Variants in EPHA2 observed in about 807,000 individuals in gnomAD.
EPHA2 encodes EPH receptor A2.
Under a neutral mutation model 104.9 loss-of-function variants are expected in EPHA2, and 54 were observed. The observed-to-expected ratio is 0.51, with a 90% CI of 0.41 to 0.65. The LOEUF (loss-of-function observed/expected upper bound fraction) is 0.65, where lower values mean the gene tolerates loss of function less well. Among genes scored for constraint, EPHA2 ranks in the 30% least tolerant of loss-of-function variants. EPHA2 has a pLI of 0.00. For synonymous variants in EPHA2, 560 were observed against 559.1 expected, an observed-to-expected ratio of 1.00 and a Z score of -0.02; for missense variants, 1,117 against 1,369.5, an observed-to-expected ratio of 0.82 and a Z score of 2.91.
Position 16,148,981 on chromosome 1 carries a change from A to G in EPHA2, c.220T>C (p.Ser74Pro). The G allele has an allele frequency of 6.2e-7, 1 of 1,614,130 alleles. No individual in the cohort carries two copies. Among genetic ancestry groups the G allele is most frequent in the South Asian group, 1.1e-5 (1 of 91,090 alleles). Residue 74 changes from serine to proline, a missense_variant, in exon 3 of 17, where the codon TCT (serine) becomes CCT (proline). Ser to Pro is a moderately conservative substitution (Grantham distance 74). Transcript: ENST00000358432. This position sits in a 1 kb window ranked among gnomAD's most constrained non-coding sequence, Gnocchi z 4.9. ...IYMYSVCNVM[S>P]GDQDNWLRTN... is the part of the protein sequence containing the mutation. ...CGGAGCCAGTTGTCCTGGTCGCCAG[A>G]CATCACGTTGCACACGGAGTACATG...
At chr1:16,143,835 A>G (rs1190191848) in intron 3 of EPHA2, among the ~76,000 whole-genome samples, 1 of 152,168 alleles carries the variant, frequency 6.6e-6, no homozygotes, top group Admixed American at 6.5e-5. Context: ...ATGGCGACCT[A>G]TGGGTTACTG....
At chr1:16,153,120 T>C (rs1037863799) in intron 1 of EPHA2, 9 of 911,306 alleles carry the variant, frequency 9.9e-6, no homozygotes, top group Non-Finnish European at 1.0e-5. Flanking sequence ...TACCTTCCCA[T>C]TTCTGGGGGG....
chr1:16,144,641 G>T (rs2024892838), intron 3 of EPHA2, among the ~76,000 whole-genome samples: 1 of 152,182 alleles, frequency 6.6e-6, no homozygotes, highest in African/African-American at 2.4e-5. Context: ...ACCACAGGAG[G>T]GAAGCTCGGA....
At chr1:16,147,875 CTT>C (rs111955796) in intron 3 of EPHA2, among the ~76,000 whole-genome samples, 2 of 144,040 alleles carry the variant, frequency 1.4e-5, no homozygotes, top group African/African-American at 5.1e-5. Context: ...TTCATTCATT[CTT>C]TTTTTTTTTT....
chr1:16,144,650 G>C (rs2124249332), intron 3 of EPHA2, among the ~76,000 whole-genome samples: 1 of 152,318 alleles, frequency 6.6e-6, no homozygotes, highest in South Asian at 2.1e-4. Context: ...GGGAAGCTCG[G>C]ATCACCAGGT....
intron 15 of EPHA2, among the ~76,000 whole-genome samples, chr1:16,129,931 TCA>T: frequency 6.6e-6 from 1 of 152,294 alleles, no homozygotes; most frequent in Admixed American, 6.5e-5. Flanking sequence ...GCCCTGTGTC[TCA>T]GTTTCTTCTT....
At chr1:16,153,011 C>T in intron 1 of EPHA2, 1 of 601,410 alleles carries the variant, frequency 1.7e-6, no homozygotes, top group Non-Finnish European at 2.1e-6. Context: ...TCCCGCTTCT[C>T]TGGAAAGGGT....
chr1:16,129,609 A>C lies in EPHA2; in HGVS notation c.2670-20T>G. 1 of 1,602,378 alleles carries C rather than the reference A, an allele frequency of 6.2e-7. No individual in the cohort carries two copies. Among genetic ancestry groups the C allele is most frequent in the Non-Finnish European group, 8.5e-7 (1 of 1,176,702 alleles). On this transcript the variant is annotated intron_variant, in intron 15 of 16. Coordinates refer to ENST00000358432, the MANE Select transcript of EPHA2 (RefSeq NM_004431.5). The stretch of plus-strand genomic sequence containing the variant: ...GACACGCTGCAACAGGAAGCACTGC[A>C]GGTGAGGGGCTGCAGCACCCAGTCC...
chr1:16,131,520 C>G lies in EPHA2; in HGVS notation c.2475+201G>C, dbSNP rs1459914832. Reference sequence around the variant, plus strand: ...GCTTGAACCTGGGAGGTGGAGGTTGCAGTGAACTGAGATCATGCCAGTGAA... The same window carrying G: ...GCTTGAACCTGGGAGGTGGAGGTTGGAGTGAACTGAGATCATGCCAGTGAA... On this transcript the variant is annotated intron_variant, in intron 14 of 16. Coordinates refer to ENST00000358432, the MANE Select transcript of EPHA2 (RefSeq NM_004431.5). This position sits in a 1 kb window ranked among gnomAD's most constrained non-coding sequence, Gnocchi z 5.2. Among the ~76,000 whole-genome samples the G allele has an allele frequency of 6.6e-6, 1 of 151,662 alleles. No individual in the cohort carries two copies. Among genetic ancestry groups the G allele is most frequent in the African/African-American group, 2.4e-5 (1 of 41,170 alleles).
At chr1:16,155,791 G>A in intron 1 of EPHA2, 57 bp downstream of exon 1, 2 of 1,282,306 alleles carry the variant, frequency 1.6e-6, no homozygotes, top group Non-Finnish European at 2.0e-6. Flanking sequence ...AGGAGCGCCG[G>A]GCTCTAGGGG....
intron 5 of EPHA2, among the ~76,000 whole-genome samples, chr1:16,136,797 C>CTTT (rs796639435): frequency 7.6e-6 from 1 of 131,424 alleles, no homozygotes; most frequent in Non-Finnish European, 1.7e-5. Flanking sequence ...TGAATGCTTT[C>CTTT]TTTTTTTTTT....
chr1:16,145,505 C>T (rs2024916695), intron 3 of EPHA2, among the ~76,000 whole-genome samples: 1 of 152,150 alleles, frequency 6.6e-6, no homozygotes, highest in African/African-American at 2.4e-5. Context: ...TCAGGGTGCC[C>T]CGCCTCGCTC....
In EPHA2 at chr1:16,148,857, C is replaced by T. The variant is rs2124263629; in HGVS notation, c.344G>A (p.Cys115Tyr). 6.2e-7 allele frequency: 1 copy of T among 1,614,168 alleles called. No individual in the cohort carries two copies. Among genetic ancestry groups the T allele is most frequent in the Non-Finnish European group, 8.5e-7 (1 of 1,180,048 alleles). The change falls in exon 3 of 17, where the codon TGC becomes TAC. Residue 115 changes from cysteine to tyrosine, a missense_variant. Physicochemically the swap from Cys to Tyr is radical, Grantham distance 194. Transcript: ENST00000358432. The surrounding 1 kb of genome is among the most constrained non-coding windows in gnomAD (Gnocchi z 4.9). ...ATAGTAGAGGTTGAAAGTCTCCTTG[C>T]AGGAGCTGGCGCCACCAGGGAAGCT... ...CNSFPGGASS[C>Y]KETFNLYYAE...
rs185919555 is a variant in EPHA2, at chr1:16,133,124, A to C, written c.2053+56T>G. The C allele has an allele frequency of 2.6e-5, 41 of 1,605,176 alleles. 1 individual carries two copies. The East Asian group carries it at 8.5e-4, about 33-fold the overall frequency. On this transcript the variant is annotated intron_variant, in intron 11 of 16. Transcript: ENST00000358432. ...AGGGGAGGTGGGCACAGTCACAGAC[A>C]GAGCCCCTGCTAAGTGGCCCCTCTC...
chr1:16,144,739 G>T (rs2024894648), intron 3 of EPHA2, among the ~76,000 whole-genome samples: 1 of 152,214 alleles, frequency 6.6e-6, no homozygotes, highest in South Asian at 2.1e-4. Context: ...ACCTGCTAAG[G>T]TCATACAGCC....
chr1:16,140,682 G>A (rs182846031), intron 3 of EPHA2, among the ~76,000 whole-genome samples: 1 of 151,888 alleles, frequency 6.6e-6, no homozygotes, highest in Admixed American at 6.6e-5. Flanking sequence ...GAAGTGGTGG[G>A]ATCTCAGCTC....
In EPHA2 at chr1:16,125,262, G is replaced by C; in HGVS notation, c.2884C>G (p.Leu962Val). 6.2e-7 allele frequency: 1 copy of C among 1,614,026 alleles called. No homozygotes were observed. The highest frequency in any genetic ancestry group is 8.5e-7 in the Non-Finnish European group (1 of 1,180,008). The change falls in exon 17 of 17, where the codon CTG (leucine) becomes GTG (valine). Residue 962 changes from leucine (L) to valine (V), a missense_variant. Coordinates refer to ENST00000358432, the MANE Select transcript of EPHA2 (RefSeq NM_004431.5). The surrounding 1 kb of genome is among the most constrained non-coding windows in gnomAD (Gnocchi z 4.9). ...TTCACCTGGTCCTTGAGTCCCAGCAGGCTGTAGGCGATGCGCTTCTGGTGG... is the reference window on the plus strand; with the variant it reads ...TTCACCTGGTCCTTGAGTCCCAGCACGCTGTAGGCGATGCGCTTCTGGTGG... Reference protein sequence around the residue: ...PGHQKRIAYSLLGLKDQVNTV... With the variant: ...PGHQKRIAYSVLGLKDQVNTV...
At position 16,150,237 on chromosome 1, in the gene EPHA2, G is replaced by A. The variant is rs1314523682; in HGVS notation, c.153+659C>T. ...CAGGGTCCCAGGACAAACTCAGCAA[G>A]GGCCCATTGTATAGAGAGGGAAACT... On this transcript the variant is annotated intron_variant, in intron 2 of 16. Coordinates refer to ENST00000358432, the MANE Select transcript of EPHA2 (RefSeq NM_004431.5). This position sits in a 1 kb window ranked among gnomAD's most constrained non-coding sequence, Gnocchi z 4.8. Among the ~76,000 whole-genome samples the A allele has an allele frequency of 6.6e-6, 1 of 152,040 alleles. No homozygotes were observed. The highest frequency in any genetic ancestry group is 1.5e-5 in the Non-Finnish European group (1 of 67,988).
Position 16,128,423 on chromosome 1 carries a change from GC to G in EPHA2, c.2825+1010del, listed in dbSNP as rs1359530150. On this transcript the variant is annotated intron_variant, in intron 16 of 16. Transcript: ENST00000358432. This position sits in a 1 kb window ranked among gnomAD's most constrained non-coding sequence, Gnocchi z 4.7. Reference sequence around the variant, plus strand: ...GCCAGCAGGTTGGGAGCCCAGCTGAGCAATTTCCAAAGGCCCTAGAGAATGT... The same window carrying G: ...GCCAGCAGGTTGGGAGCCCAGCTGAGAATTTCCAAAGGCCCTAGAGAATGT... Among the ~76,000 whole-genome samples the G allele has an allele frequency of 2.6e-5, 4 of 152,326 alleles. No homozygotes were observed. In the East Asian group the frequency reaches 7.7e-4, roughly 29 times the overall value.
Sources: gnomAD v4.1 joint callset for allele counts (sites outside exome capture counted in the v4.1 genomes callset) on GRCh38, gnomAD v4.1.1 for gene constraint, Gnocchi (gnomAD v3.1) non-coding constraint, MANE v1.5 for transcripts, NCBI Gene and HGNC (gene_info 2026-07-23, HGNC 2026-07-21) for gene names.